GPM6A: variants seen among roughly 807,000 people sequenced by gnomAD.
GPM6A encodes the protein glycoprotein M6A.
GPM6A carries 7 observed loss-of-function variants against 32.1 expected under a neutral mutation model. The observed-to-expected ratio is 0.22, with a 90% confidence interval of 0.12 to 0.41. GPM6A has a LOEUF of 0.41. Ranked by LOEUF, GPM6A falls within the 10% of genes least tolerant of loss-of-function variation. GPM6A has a pLI of 1.00. For synonymous variants in GPM6A, 130 were observed against 123.4 expected, an observed-to-expected ratio of 1.05 and a Z score of -0.35; for missense variants, 235 against 347.2, an observed-to-expected ratio of 0.68 and a Z score of 2.57.
Position 175,944,532 on chromosome 4 carries a change from T to C in GPM6A, c.-23+57777A>G, listed in dbSNP as rs541876683. Among the ~76,000 whole-genome samples, 9 of 152,334 alleles carry C rather than the reference T, an allele frequency of 5.9e-5. No individual in the cohort carries two copies. The East Asian group carries it at 1.7e-3, about 29-fold the overall frequency. On this transcript the variant is annotated intron_variant, in intron 1 of 7. Transcript: ENST00000280187. ...ATTAAAATACATTATTCCTTGAACA[T>C]ATACACACACGTACAAGACAGAACA...
chr4:175,636,923 G>T (rs1022134148), intron 6 of GPM6A, among the ~76,000 whole-genome samples: 7 of 132,904 alleles, frequency 5.3e-5, no homozygotes, highest in Non-Finnish European at 7.8e-5. Flanking sequence ...TTTCTTTTCA[G>T]TATTTCACTC....
intron 1 of GPM6A, among the ~76,000 whole-genome samples, chr4:175,864,216 T>C (rs1349571745): frequency 1.3e-5 from 2 of 152,178 alleles, no homozygotes; most frequent in African/African-American, 4.8e-5. Flanking sequence ...GCCCAGGTTG[T>C]AATGAAGTGG....
At chr4:175,942,436 C>T (rs1339919296) in intron 1 of GPM6A, among the ~76,000 whole-genome samples, 4 of 152,142 alleles carry the variant, frequency 2.6e-5, no homozygotes, top group African/African-American at 9.7e-5. Context: ...GTGTTTTAGT[C>T]ATGAAGTATT....
chr4:175,847,379 T>C (rs917505416), intron 1 of GPM6A, among the ~76,000 whole-genome samples: 8 of 152,168 alleles, frequency 5.3e-5, no homozygotes, highest in African/African-American at 4.8e-5. Flanking sequence ...ACACAATTCA[T>C]AAGTTTTAAA....
intron 4 of GPM6A, among the ~76,000 whole-genome samples, chr4:175,648,930 A>G (rs1490635193): frequency 1.3e-5 from 2 of 152,218 alleles, no homozygotes; most frequent in Non-Finnish European, 2.9e-5. Flanking sequence ...AATCTCACAT[A>G]TGTATATGTT....
chr4:175,767,960 A>G (rs981541882), intron 1 of GPM6A, among the ~76,000 whole-genome samples: 7 of 152,216 alleles, frequency 4.6e-5, no homozygotes, highest in African/African-American at 1.7e-4. Context: ...GGGAGATTCA[A>G]GCAGATAACA....
intron 1 of GPM6A, among the ~76,000 whole-genome samples, chr4:175,720,090 T>C (rs2581762): frequency 0.82 from 124,418 of 151,984 alleles, 51,373 homozygotes; most frequent in East Asian, 1. Flanking sequence ...TTTATCCCAT[T>C]GCCTAAATAC....
intron 1 of GPM6A, among the ~76,000 whole-genome samples, chr4:175,775,101 T>C (rs928795398): frequency 6.6e-6 from 1 of 152,124 alleles, no homozygotes; most frequent in Non-Finnish European, 1.5e-5. Flanking sequence ...CACAACCATA[T>C]CAGTGTAAAT....
rs1473784410 is a variant in GPM6A at position 175,785,487 on chromosome 4, A to G, written c.37+26704T>C. ...TGCCTCCTACAGCTGTTGGGAGAAT[A>G]GAATTAGTAACCACATTATATTAAC... On this transcript the variant is annotated intron_variant, in intron 1 of 6. Coordinates refer to ENST00000393658, the MANE Select transcript of GPM6A (RefSeq NM_201591.3). Among the ~76,000 whole-genome samples, 3 of 152,236 alleles carry G rather than the reference A, an allele frequency of 2.0e-5. No homozygotes were observed. In the East Asian group the frequency reaches 5.8e-4, roughly 29 times the overall value.
rs745314396 is a variant in GPM6A at position 175,701,799 on chromosome 4, T to G, written c.38-32A>C. 2.0e-6 allele frequency: 3 copies of G among 1,505,834 alleles called. No homozygotes were observed. In the Admixed American group the frequency reaches 5.9e-5, roughly 30 times the overall value. The allele number at this position is 1,505,834 out of a possible 1,614,324, so 93.3% of individuals were successfully genotyped here. On this transcript the variant is annotated intron_variant, in intron 1 of 6. Transcript: ENST00000393658. ...AAGATCACAAAGGGAGAAATTCATA[T>G]TTTTGTTAACCTAATTTAATTTTTT...
chr4:175,747,269 CAAAAAAAAAA>C (rs5864346), intron 1 of GPM6A, among the ~76,000 whole-genome samples: 5 of 109,518 alleles, frequency 4.6e-5, no homozygotes, highest in African/African-American at 1.8e-4. Context: ...ACTCCATCTC[CAAAAAAAAAA>C]AAAAAAAAAA....
chr4:175,635,909 A>C (rs1164098254), intron 6 of GPM6A, among the ~76,000 whole-genome samples: 4 of 152,082 alleles, frequency 2.6e-5, no homozygotes, highest in Admixed American at 2.6e-4. Context: ...TTAATCCAAC[A>C]TTCAGAAAAA....
intron 1 of GPM6A, among the ~76,000 whole-genome samples, chr4:175,855,604 C>T (rs1156509377): frequency 6.6e-6 from 1 of 152,132 alleles, no homozygotes; most frequent in Non-Finnish European, 1.5e-5. Context: ...TAGAGGATAA[C>T]AATTCTAATA....
chr4:175,970,929 C>T (rs1490143010), intron 1 of GPM6A: 4 of 455,962 alleles, frequency 8.8e-6, no homozygotes, highest in East Asian at 1.4e-4. Context: ...CTGAAGAACA[C>T]AGGGTGCGGT....
At chr4:175,846,264 C>T (rs528575961) in intron 1 of GPM6A, among the ~76,000 whole-genome samples, 4 of 152,038 alleles carry the variant, frequency 2.6e-5, no homozygotes, top group South Asian at 2.1e-4. Context: ...TTCTATCACC[C>T]GACAAATGAA....
At chr4:175,920,781 G>A (rs968546206) in intron 1 of GPM6A, among the ~76,000 whole-genome samples, 1 of 151,612 alleles carries the variant, frequency 6.6e-6, no homozygotes, top group African/African-American at 2.4e-5. Context: ...CCCGGGAGGC[G>A]GTGGTGGCTC....
intron 1 of GPM6A, among the ~76,000 whole-genome samples, chr4:175,901,628 C>CTTTTTTTTTTTTTCTTTTTT (rs59461626): frequency 7.9e-6 from 1 of 127,028 alleles, no homozygotes; most frequent in Non-Finnish European, 1.6e-5. Context: ...TTTTCTTTTT[C>CTTTTTTTTTTTTTCTTTTTT]TTTTTTTTTT....
chr4:175,634,904 TTTA>T lies in GPM6A; in HGVS notation c.835_837del (p.Ter279delextTer9). On this transcript the variant is annotated stop_lost and inframe_deletion, in exon 7 of 7. Coordinates refer to ENST00000393658, the MANE Select transcript of GPM6A (RefSeq NM_201591.3). Reference sequence around the variant, plus strand: ...ATGGTAGAAAGAACAGGAAGATGCATTTATGTGTATGCATTGAGCCGCTCTTTG... The same window carrying T: ...ATGGTAGAAAGAACAGGAAGATGCATTGTGTATGCATTGAGCCGCTCTTTG... 6.2e-7 allele frequency: 1 copy of T among 1,612,074 alleles called. No individual in the cohort carries two copies. Among genetic ancestry groups the T allele is most frequent in the East Asian group, 2.2e-5 (1 of 44,840 alleles).
chr4:175,663,207 G>T (rs1742531626), intron 3 of GPM6A, among the ~76,000 whole-genome samples: 1 of 152,208 alleles, frequency 6.6e-6, no homozygotes, highest in African/African-American at 2.4e-5. Context: ...TTACTTGAAT[G>T]AGTTGAAAAC....
Sources: gnomAD v4.1 joint callset for allele counts (sites outside exome capture counted in the v4.1 genomes callset) on GRCh38, gnomAD v4.1.1 for gene constraint, MANE v1.5 for transcripts, NCBI Gene and HGNC (gene_info 2026-07-23, HGNC 2026-07-21) for gene names.